The following HOATZ variants were observed in gnomAD, a reference collection of about 807,000 sequenced individuals.
The protein encoded by HOATZ is HOATZ cilia and flagella associated protein, also known as cilia- and flagella-associated protein HOATZ.
In HOATZ, 26 loss-of-function variants were observed where a neutral mutation model predicts 24.9. The observed-to-expected ratio is 1.04, with a 90% CI of 0.76 to 1.45. The LOEUF (loss-of-function observed/expected upper bound fraction) is 1.45. HOATZ is among the 40% of genes most tolerant of loss of function. The pLI is 0.00. For synonymous variants in HOATZ, 83 were observed against 76.6 expected (o/e 1.08, Z -0.43); for missense variants, 226 against 201.5 (o/e 1.12, Z -0.74).
intron 3 of HOATZ, among the ~76,000 whole-genome samples, chr11:111,529,785 T>TAA (rs1867376691): frequency 6.6e-6 from 1 of 152,162 alleles, no homozygotes; most frequent in Admixed American, 6.5e-5. Flanking sequence ...AGTCTAGTGT[T>TAA]TATTAAGAGC....
Position 111,534,459 on chromosome 11 carries a change from A to T in HOATZ, c.447A>T (p.Lys149Asn), listed in dbSNP as rs1867427084. The T allele has an allele frequency of 6.2e-7, 1 of 1,608,472 alleles. No individual in the cohort carries two copies. Among genetic ancestry groups the T allele is most frequent in the Non-Finnish European group, 8.5e-7 (1 of 1,174,990 alleles). The change falls in exon 5 of 6, where the codon AAA becomes AAT. Residue 149 changes from lysine to asparagine, a missense_variant. By Grantham distance (94) the Lys-to-Asn change is moderately conservative. Transcript: ENST00000375618. ...ATAAACCAAAAGCCAAAGAACACAA[A>T]GCAAAGTAAGTTTACCTATGTCAAA... Reference protein sequence around the residue: ...LPYKPKAKEHKAKKVVSESDK... With the variant: ...LPYKPKAKEHNAKKVVSESDK...
chr11:111,519,471 A>G (rs893445648), intron 3 of HOATZ, among the ~76,000 whole-genome samples: 2 of 152,180 alleles, frequency 1.3e-5, no homozygotes, highest in South Asian at 2.1e-4. Context: ...CTGTTAGCAC[A>G]TCACCTCTCC....
intron 3 of HOATZ, among the ~76,000 whole-genome samples, chr11:111,533,445 G>A (rs971411618): frequency 3.3e-5 from 5 of 151,752 alleles, no homozygotes; most frequent in African/African-American, 4.8e-5. Context: ...TTTTTTTTAA[G>A]TTAGTTTTTA....
At chr11:111,524,823 T>G in intron 3 of HOATZ, 2 of 429,484 alleles carry the variant, frequency 4.7e-6, no homozygotes, top group South Asian at 3.4e-5. Context: ...GATATAAACT[T>G]TGATGAACAG....
chr11:111,516,369 T>C (rs887348260), intron 3 of HOATZ, among the ~76,000 whole-genome samples: 12 of 152,174 alleles, frequency 7.9e-5, no homozygotes, highest in Non-Finnish European at 1.6e-4. Context: ...TCACACACTT[T>C]CCATCCAGTA....
At chr11:111,536,698 G>T (rs530683363) in intron 5 of HOATZ, 72 bp from the exon 6 acceptor site, 31 of 1,248,396 alleles carry the variant, frequency 2.5e-5, no homozygotes, top group Non-Finnish European at 3.4e-5. Context: ...TTCAAAAGTT[G>T]TTTTCATGCT....
intron 5 of HOATZ, 165 bp from the exon 6 acceptor site, chr11:111,536,605 C>T: frequency 1.7e-6 from 1 of 584,568 alleles, no homozygotes; most frequent in Non-Finnish European, 3.1e-6. Flanking sequence ...ATATCATAAC[C>T]ACTTCTCTCA....
rs750749697 is a variant in HOATZ, at chr11:111,516,060, G to A, written c.289G>A (p.Glu97Lys). 1.3e-5 allele frequency: 21 copies of A among 1,593,080 alleles called. No individual in the cohort carries two copies. Among genetic ancestry groups the A allele is most frequent in the Middle Eastern group, 1.7e-4 (1 of 5,952 alleles). The stretch of plus-strand genomic sequence containing the variant: ...TCTAGAAAATAGAGACATCTTTGCC[G>A]AAGCCCTAAAGATACAGGAATCTGA... ...ASNKNRDIFA[E>K]ALKIQESEEK... is the part of the protein sequence containing the mutation. Residue 97 changes from glutamate to lysine, a missense_variant, in exon 3 of 6, where the codon GAA becomes AAA. Physicochemically the swap from Glu to Lys is moderately conservative, Grantham distance 56. Transcript: ENST00000375618.
intron 3 of HOATZ, among the ~76,000 whole-genome samples, chr11:111,530,868 A>C (rs1471202700): frequency 1.3e-5 from 2 of 152,166 alleles, no homozygotes; most frequent in African/African-American, 2.4e-5. Context: ...TTTAGATGAC[A>C]CAATTGTTTA....
At chr11:111,528,040 A>AG (rs1222444397) in intron 3 of HOATZ, among the ~76,000 whole-genome samples, 1 of 152,086 alleles carries the variant, frequency 6.6e-6, no homozygotes, top group Non-Finnish European at 1.5e-5. Flanking sequence ...AATTAAGGCT[A>AG]GGTATGGTGG....
intron 3 of HOATZ, among the ~76,000 whole-genome samples, chr11:111,517,442 G>A (rs918180827): frequency 4.6e-5 from 7 of 152,172 alleles, no homozygotes; most frequent in African/African-American, 1.7e-4. Flanking sequence ...TGAATTACCA[G>A]TGGAGGTTAT....
chr11:111,525,027 T>A (rs925256474), intron 3 of HOATZ: 2 of 333,946 alleles, frequency 6.0e-6, no homozygotes, highest in Non-Finnish European at 1.2e-5. Flanking sequence ...CACCATCACA[T>A]CCAGCTACAT....
At chr11:111,533,599 G>T in intron 3 of HOATZ, 147 bp from the exon 4 acceptor site, 1 of 504,892 alleles carries the variant, frequency 2.0e-6, no homozygotes, top group Non-Finnish European at 3.4e-6. Flanking sequence ...CAGGATTTTG[G>T]CACAAACAAA....
intron 3 of HOATZ, 93 bp from the exon 4 acceptor site, chr11:111,533,653 C>A: frequency 2.4e-6 from 2 of 825,104 alleles, no homozygotes; most frequent in Non-Finnish European, 3.8e-6. Flanking sequence ...AAAATTCTGC[C>A]AATACAAGAT....
chr11:111,515,607 A>C, intron 2 of HOATZ, 55 bp downstream of exon 2: 5 of 1,402,262 alleles, frequency 3.6e-6, no homozygotes, highest in Non-Finnish European at 5.1e-6. Flanking sequence ...TCATCAGAAA[A>C]TAGACAATAA....
At position 111,516,119 on chromosome 11, in the gene HOATZ, A is replaced by G. The variant is rs1184721272; in HGVS notation, c.339+9A>G. On this transcript the variant is annotated intron_variant, in intron 3 of 5. Transcript: ENST00000375618. ...TAAAGTATCTCCAAAAGGTAGGCCA[A>G]TATTTCAGAAGGTCATCTGATCATC... 1 of 1,520,808 alleles carries G rather than the reference A, an allele frequency of 6.6e-7. No homozygotes were observed. Among genetic ancestry groups the G allele is most frequent in the Admixed American group, 1.8e-5 (1 of 55,856 alleles). 94.2% of individuals were successfully genotyped at this position (1,520,808 alleles called of 1,614,324 possible).
chr11:111,516,717 A>T (rs1324625870), intron 3 of HOATZ, among the ~76,000 whole-genome samples: 1 of 151,244 alleles, frequency 6.6e-6, no homozygotes, highest in African/African-American at 2.4e-5. Flanking sequence ...ACACAGTCTT[A>T]AAAAAAAATC....
At chr11:111,535,721 C>G (rs1010308235) in intron 5 of HOATZ, 1 of 151,694 alleles carries the variant, frequency 6.6e-6, no homozygotes, top group Non-Finnish European at 1.5e-5. Flanking sequence ...TGCAGTGGCG[C>G]GATCTCAGCT....
intron 3 of HOATZ, 38 bp downstream of exon 3, chr11:111,516,148 A>G: frequency 8.0e-7 from 1 of 1,254,702 alleles, no homozygotes; most frequent in Non-Finnish European, 1.1e-6. Flanking sequence ...GATCATCATT[A>G]AATTTCTAAA....
Sources: allele counts gnomAD v4.1 joint callset (sites outside exome capture counted in the v4.1 genomes callset), GRCh38; gene constraint gnomAD v4.1.1; transcripts MANE v1.5; gene names NCBI Gene and HGNC (gene_info 2026-07-23, HGNC 2026-07-21).